The following CELSR1 variants were observed in gnomAD, a reference collection of about 807,000 sequenced individuals.
CELSR1 encodes cadherin EGF LAG seven-pass G-type receptor 1.
In CELSR1, 110 loss-of-function variants were observed where a neutral mutation model predicts 249.1. The observed-to-expected ratio is 0.44, with a 90% CI of 0.38 to 0.52. The LOEUF is 0.52. Among genes scored for constraint, CELSR1 ranks in the 20% least tolerant of loss-of-function variants. The probability of loss-of-function intolerance (pLI) is 0.00; values close to 1 mark genes in which losing one functional copy is unlikely to be tolerated. For missense variants in CELSR1, 4,109 were observed against 4,296.4 expected (o/e 0.96, Z 1.22); for synonymous variants, 2,113 against 1,900.0 (o/e 1.11, Z -2.92).
chr22:46,469,656 C>T (rs111967959), intron 1 of CELSR1, among the ~76,000 whole-genome samples: 2,476 of 152,004 alleles, frequency 0.016, 24 homozygotes, highest in Non-Finnish European at 0.024. Flanking sequence ...GCTGGGATTA[C>T]AGACGTACAC....
chr22:46,407,706 A>G lies in CELSR1; in HGVS notation c.5226+1290T>C, dbSNP rs2079282019. On this transcript the variant is annotated intron_variant, in intron 9 of 34. Coordinates refer to ENST00000674500, the MANE Select transcript of CELSR1 (RefSeq NM_001378328.1). This position sits in a 1 kb window ranked among gnomAD's most constrained non-coding sequence, Gnocchi z 4.8. ...AATAACTCAGTTATGAATCTGTCAA[A>G]TCAAGACAGAGCGCCCTGCTCAGGC... Among the ~76,000 whole-genome samples the G allele has an allele frequency of 6.6e-6, 1 of 152,228 alleles. No homozygotes were observed. Among genetic ancestry groups the G allele is most frequent in the African/African-American group, 2.4e-5 (1 of 41,468 alleles).
In CELSR1 at chr22:46,397,800, T is replaced by C; in HGVS notation, c.5575A>G (p.Asn1859Asp). ...TPTNVATLNM[N>D]NALKVRVKDG... ...TTCACCCTGACCTTGAGTGCGTTGTTCATGTTCAGGGTGGCGACGTTGGTG... is the reference window on the plus strand; with the variant it reads ...TTCACCCTGACCTTGAGTGCGTTGTCCATGTTCAGGGTGGCGACGTTGGTG... The change falls in exon 12 of 35, where the codon AAC (asparagine) becomes GAC (aspartate). Residue 1859 changes from asparagine (N) to aspartate (D), a missense_variant. Asn to Asp is a conservative substitution (Grantham distance 23, BLOSUM62 1). This residue lies in a region of CELSR1 where 1,805 missense variants were observed against 1,831.6 expected (regional missense o/e 0.99). Coordinates refer to ENST00000674500, the MANE Select transcript of CELSR1 (RefSeq NM_001378328.1). 6.2e-7 allele frequency: 1 copy of C among 1,601,734 alleles called. No homozygotes were observed. The highest frequency in any genetic ancestry group is 8.5e-7 in the Non-Finnish European group (1 of 1,173,116).
At chr22:46,420,503 G>T (rs1187118279) in intron 5 of CELSR1, among the ~76,000 whole-genome samples, 1 of 152,036 alleles carries the variant, frequency 6.6e-6, no homozygotes, top group Non-Finnish European at 1.5e-5. Context: ...TGCACACGTG[G>T]ACACACCCAC....
Position 46,456,773 on chromosome 22 carries a change from T to C in CELSR1, c.4183+6934A>G, listed in dbSNP as rs76729704. Reference sequence around the variant, plus strand: ...AAGGGCTAGAATTTATTTTTAAGATTTTCCCATGAGCACACAGGTGATTAT... The same window carrying C: ...AAGGGCTAGAATTTATTTTTAAGATCTTCCCATGAGCACACAGGTGATTAT... On this transcript the variant is annotated intron_variant, in intron 2 of 34. Transcript: ENST00000674500. Among the ~76,000 whole-genome samples, 799 of 151,944 alleles carry C rather than the reference T, an allele frequency of 5.3e-3. 4 individuals are homozygous for C. Among genetic ancestry groups the C allele is most frequent in the African/African-American group, 0.018 (742 of 41,454 alleles).
At position 46,517,353 on chromosome 22, in the gene CELSR1, G is replaced by C. The variant is rs55877989; in HGVS notation, c.3544+16274C>G. On this transcript the variant is annotated intron_variant, in intron 1 of 34. Transcript: ENST00000674500. This position sits in a 1 kb window ranked among gnomAD's most constrained non-coding sequence, Gnocchi z 5.4. ...CCCGGGCCAAACCGGAGACTTGGAC[G>C]GCCGTCCAACACCAAAGCCACCGGT... 6.6e-6 allele frequency among the ~76,000 whole-genome samples: 1 copy of C among 152,188 alleles called. No individual in the cohort carries two copies. Among genetic ancestry groups the C allele is most frequent in the African/African-American group, 2.4e-5 (1 of 41,446 alleles).
Position 46,533,672 on chromosome 22 carries a change from C to G in CELSR1, c.3499G>C (p.Asp1167His). 6.2e-7 allele frequency: 1 copy of G among 1,604,974 alleles called. No individual in the cohort carries two copies. The highest frequency in any genetic ancestry group is 8.5e-7 in the Non-Finnish European group (1 of 1,177,216). Residue 1167 changes from aspartate (D) to histidine (H), a missense_variant, in exon 1 of 35, where the codon GAC becomes CAC. Physicochemically the swap from Asp to His is moderately conservative, Grantham distance 81. This residue lies in a region of CELSR1 where 886 missense variants were observed against 896.5 expected (regional missense o/e 0.99). Transcript: ENST00000674500. ...TGELQLSRDL[D>H]NNRPLEALME... ...AGCGCCTCCAGCGGCCGGTTGTTGT[C>G]CAGGTCGCGGCTGAGCTGCAGTTCG...
In CELSR1 at chr22:46,365,368, T is replaced by C. The variant is rs750027382; in HGVS notation, c.8417A>G (p.Asp2806Gly). ...SCKDPPGHDS[D>G]SDSELSLDEQ... ...ATCCAGGGACAGCTCGCTATCTGAGTCGGAATCGTGGCCTGTGGATGCGCG... is the reference window on the plus strand; with the variant it reads ...ATCCAGGGACAGCTCGCTATCTGAGCCGGAATCGTGGCCTGTGGATGCGCG... Residue 2806 changes from aspartate to glycine, a missense_variant, in exon 32 of 35, where the codon GAC becomes GGC. By Grantham distance (94) the Asp-to-Gly change is moderately conservative. Around this residue, in one of 7 missense-constraint regions of CELSR1, gnomAD observed 1,805 missense variants for 1,831.6 expected, o/e 0.99. Coordinates refer to ENST00000674500, the MANE Select transcript of CELSR1 (RefSeq NM_001378328.1). The C allele has an allele frequency of 1.9e-6, 3 of 1,612,506 alleles. No individual in the cohort carries two copies. The South Asian group carries it at 3.3e-5, about 18-fold the overall frequency.
At chr22:46,483,159 A>T (rs187963984) in intron 1 of CELSR1, among the ~76,000 whole-genome samples, 1 of 152,332 alleles carries the variant, frequency 6.6e-6, no homozygotes, top group Non-Finnish European at 1.5e-5. Flanking sequence ...ATCTTGAGAT[A>T]GGTAAGCAAT....
Position 46,535,216 on chromosome 22 carries a change from T to C in CELSR1, c.1955A>G (p.His652Arg). ...CACCGCCTCCACCCCGAAGCTGTAG[T>C]GCTCCACCTCCTCGCGGTCCAGCTC... is the stretch of plus-strand genomic sequence containing the variant. ...CAELDREEVE[H>R]YSFGVEAVDH... The change falls in exon 1 of 35, where the codon CAC becomes CGC. Residue 652 changes from histidine to arginine, a missense_variant. Physicochemically the swap from His to Arg is conservative, Grantham distance 29 (BLOSUM62 0). Coordinates refer to ENST00000674500, the MANE Select transcript of CELSR1 (RefSeq NM_001378328.1). 1 of 1,609,786 alleles carries C rather than the reference T, an allele frequency of 6.2e-7. No homozygotes were observed. Among genetic ancestry groups the C allele is most frequent in the Non-Finnish European group, 8.5e-7 (1 of 1,179,928 alleles).
rs1602183927 is a variant in CELSR1 at position 46,472,228 on chromosome 22, T to C, written c.3545-7883A>G. Among the ~76,000 whole-genome samples, 3 of 152,152 alleles carry C rather than the reference T, an allele frequency of 2.0e-5. No homozygotes were observed. The South Asian group carries it at 6.2e-4, about 31-fold the overall frequency. The stretch of plus-strand genomic sequence containing the variant: ...TGCTGTACAAACGTGAACCACATCA[T>C]GGGAAGGAACTTTCTGGGTCTTCAT... On this transcript the variant is annotated intron_variant, in intron 1 of 34. Transcript: ENST00000674500. The surrounding 1 kb of genome is among the most constrained non-coding windows in gnomAD (Gnocchi z 7.0).
rs1282624452 is a variant in CELSR1, at chr22:46,464,867, C to G, written c.3545-522G>C. Among the ~76,000 whole-genome samples the G allele has an allele frequency of 6.6e-6, 1 of 152,170 alleles. No homozygotes were observed. The highest frequency in any genetic ancestry group is 1.5e-5 in the Non-Finnish European group (1 of 68,028). On this transcript the variant is annotated intron_variant, in intron 1 of 34. Coordinates refer to ENST00000674500, the MANE Select transcript of CELSR1 (RefSeq NM_001378328.1). This position sits in a 1 kb window ranked among gnomAD's most constrained non-coding sequence, Gnocchi z 8.5. ...CTCTGCAGTGCCTGGCAAGCCCGCC[C>G]TGGTCCTGCCCAGGCGACATCCCCA...
chr22:46,378,222 G>A, intron 23 of CELSR1, among the ~76,000 whole-genome samples: 1 of 152,238 alleles, frequency 6.6e-6, no homozygotes, highest in South Asian at 2.1e-4. Context: ...AGCAGGTGGG[G>A]AGCGGCACCG....
At chr22:46,378,232 G>T (rs948802274) in intron 23 of CELSR1, among the ~76,000 whole-genome samples, 1 of 152,218 alleles carries the variant, frequency 6.6e-6, no homozygotes, top group Non-Finnish European at 1.5e-5. Flanking sequence ...GAGCGGCACC[G>T]TCCAACAGAC....
Position 46,428,347 on chromosome 22 carries a change from A to G in CELSR1, c.4611+5046T>C, listed in dbSNP as rs2079558640. ...CTAGCCACCCGTGGCCAGCATGGCG[A>G]TCGCGACCAGCACAGCATCGTCCCC... On this transcript the variant is annotated intron_variant, in intron 5 of 34. Coordinates refer to ENST00000674500, the MANE Select transcript of CELSR1 (RefSeq NM_001378328.1). The surrounding 1 kb of genome is among the most constrained non-coding windows in gnomAD (Gnocchi z 5.7). Among the ~76,000 whole-genome samples, 1 of 152,220 alleles carries G rather than the reference A, an allele frequency of 6.6e-6. No individual in the cohort carries two copies. Among genetic ancestry groups the G allele is most frequent in the Admixed American group, 6.5e-5 (1 of 15,284 alleles).
At position 46,537,601 on chromosome 22, in the gene CELSR1, G is replaced by A. The variant is rs1439131000; in HGVS notation, c.-431C>T. Reference sequence around the variant, plus strand: ...GCCGCGCAGACCCCGGCGGCCGGCTGCTGCCTGGGCGGTGCGCTTGGCCCG... The same window carrying A: ...GCCGCGCAGACCCCGGCGGCCGGCTACTGCCTGGGCGGTGCGCTTGGCCCG... On this transcript the variant is annotated 5_prime_UTR_variant, in exon 1 of 35. Coordinates refer to ENST00000674500, the MANE Select transcript of CELSR1 (RefSeq NM_001378328.1). The surrounding 1 kb of genome is among the most constrained non-coding windows in gnomAD (Gnocchi z 5.8). Among the ~76,000 whole-genome samples the A allele has an allele frequency of 6.8e-6, 1 of 147,654 alleles. No individual in the cohort carries two copies. Among genetic ancestry groups the A allele is most frequent in the Non-Finnish European group, 1.5e-5 (1 of 66,284 alleles).
chr22:46,421,286 G>C (rs1432681653), intron 5 of CELSR1, among the ~76,000 whole-genome samples: 3 of 150,290 alleles, frequency 2.0e-5, no homozygotes, highest in Non-Finnish European at 4.4e-5. Context: ...CAGAGCCCCA[G>C]CAGTGAGGGG....
At chr22:46,486,270 C>T (rs556512790) in intron 1 of CELSR1, among the ~76,000 whole-genome samples, 9 of 151,210 alleles carry the variant, frequency 6.0e-5, no homozygotes, top group African/African-American at 2.2e-4. Context: ...GCATCAAGGC[C>T]GGGCACGCTG....
rs113530495 is a variant in CELSR1, at chr22:46,417,200, G to A, written c.4612-5441C>T. Reference sequence around the variant, plus strand: ...CCCCAGGAAATGTGGGCAAGACCCCGTGCCAGTTCTGGCATGGAGACGACA... The same window carrying A: ...CCCCAGGAAATGTGGGCAAGACCCCATGCCAGTTCTGGCATGGAGACGACA... On this transcript the variant is annotated intron_variant, in intron 5 of 34. Transcript: ENST00000674500. This position sits in a 1 kb window ranked among gnomAD's most constrained non-coding sequence, Gnocchi z 4.1. 2.0e-5 allele frequency among the ~76,000 whole-genome samples: 3 copies of A among 152,194 alleles called. No homozygotes were observed. The highest frequency in any genetic ancestry group is 2.9e-5 in the Non-Finnish European group (2 of 68,018).
rs181779135 is a variant in CELSR1, at chr22:46,436,122, C to T, written c.4522+52G>A. On this transcript the variant is annotated intron_variant, in intron 4 of 34. Coordinates refer to ENST00000674500, the MANE Select transcript of CELSR1 (RefSeq NM_001378328.1). The surrounding 1 kb of genome is among the most constrained non-coding windows in gnomAD (Gnocchi z 5.9). ...ACAGGGCGAGGGTCGTTTTAACCCA[C>T]AAAGTATCTGTGAATTGCTCAGAGC... 29 of 1,490,712 alleles carry T rather than the reference C, an allele frequency of 1.9e-5. No individual in the cohort carries two copies. The South Asian group carries it at 3.2e-4, about 16-fold the overall frequency. The allele number at this position is 1,490,712 out of a possible 1,614,324, so 92.3% of individuals were successfully genotyped here.
Sources: gnomAD v4.1 joint callset for allele counts (sites outside exome capture counted in the v4.1 genomes callset) on GRCh38, gnomAD v4.1.1 for gene constraint, gnomAD v4.1.1 regional missense constraint, Gnocchi (gnomAD v3.1) non-coding constraint, MANE v1.5 for transcripts, NCBI Gene and HGNC (gene_info 2026-07-23, HGNC 2026-07-21) for gene names.